TMEM248: variants seen among roughly 807,000 people sequenced by gnomAD.
TMEM248 encodes the protein transmembrane protein 248.
TMEM248 carries 9 observed loss-of-function variants against 30.3 expected under a neutral mutation model. The ratio of observed to expected loss-of-function variants is 0.30; its 90% confidence interval spans 0.18 to 0.52. The LOEUF is 0.52. TMEM248 is among the 20% of genes least tolerant of loss of function. The probability of loss-of-function intolerance (pLI) is 0.97; values close to 1 mark genes in which losing one functional copy is unlikely to be tolerated. For synonymous variants in TMEM248, 184 were observed against 154.4 expected (o/e 1.19, Z -1.42); for missense variants, 338 against 403.3 (o/e 0.84, Z 1.39).
intron 1 of TMEM248, among the ~76,000 whole-genome samples, chr7:66,933,039 T>C (rs537699322): frequency 1.3e-5 from 2 of 152,128 alleles, no homozygotes; most frequent in South Asian, 4.1e-4. Flanking sequence ...TTTGTGTTTT[T>C]AGTAGAGACA....
intron 1 of TMEM248, among the ~76,000 whole-genome samples, 186 bp downstream of exon 1, chr7:66,921,647 C>G (rs963867422): frequency 6.6e-6 from 1 of 152,244 alleles, no homozygotes; most frequent in Admixed American, 6.5e-5. Context: ...GGCCTGGTCC[C>G]CCCACACTGG....
At chr7:66,937,220 G>T (rs1791829723) in intron 1 of TMEM248, among the ~76,000 whole-genome samples, 1 of 152,168 alleles carries the variant, frequency 6.6e-6, no homozygotes, top group Non-Finnish European at 1.5e-5. Context: ...TGTTTGTATA[G>T]TTTCCAGAAT....
chr7:66,953,265 A>G lies in TMEM248; in HGVS notation c.820A>G (p.Ser274Gly). The change falls in exon 6 of 7, where the codon AGT becomes GGT. Residue 274 changes from serine to glycine, a missense_variant. Physicochemically the swap from Ser to Gly is moderately conservative, Grantham distance 56. Coordinates refer to ENST00000341567, the MANE Select transcript of TMEM248 (RefSeq NM_017994.5). ...AATAAATTTGCATCTCATGCACACC[A>G]GTTACTTCCTCTTTGTGATGGTGAT... ...SLINLHLMHT[S>G]YFLFVMVITM... 6.2e-7 allele frequency: 1 copy of G among 1,614,054 alleles called. No homozygotes were observed. The highest frequency in any genetic ancestry group is 8.5e-7 in the Non-Finnish European group (1 of 1,180,008).
At chr7:66,923,352 G>A (rs556412039) in intron 1 of TMEM248, among the ~76,000 whole-genome samples, 1 of 152,114 alleles carries the variant, frequency 6.6e-6, no homozygotes, top group Non-Finnish European at 1.5e-5. Flanking sequence ...CATGTTGTTG[G>A]CCAGGCCTTG....
chr7:66,936,173 G>A (rs906945017), intron 1 of TMEM248, among the ~76,000 whole-genome samples: 19 of 152,150 alleles, frequency 1.2e-4, no homozygotes, highest in Non-Finnish European at 2.8e-4. Flanking sequence ...TCACCATTCA[G>A]TGTGATACTA....
At chr7:66,953,117 A>G in intron 5 of TMEM248, 109 bp from the exon 6 acceptor site, 1 of 1,247,470 alleles carries the variant, frequency 8.0e-7, no homozygotes, top group Non-Finnish European at 1.1e-6. Context: ...TAAGAAGAAA[A>G]GTTGTGGCAA....
At chr7:66,933,080 G>A (rs1044956623) in intron 1 of TMEM248, among the ~76,000 whole-genome samples, 9 of 151,980 alleles carry the variant, frequency 5.9e-5, no homozygotes, top group Non-Finnish European at 8.8e-5. Flanking sequence ...GGCTGGTCTC[G>A]AACTCCTGAC....
chr7:66,934,030 C>T (rs17748115), intron 1 of TMEM248, among the ~76,000 whole-genome samples: 15,620 of 151,398 alleles, frequency 0.1, 883 homozygotes, highest in Non-Finnish European at 0.11. Context: ...GCCACTGTGA[C>T]GCTTACAGAA....
chr7:66,926,962 T>G (rs1791542836), intron 1 of TMEM248, among the ~76,000 whole-genome samples: 1 of 152,180 alleles, frequency 6.6e-6, no homozygotes, highest in South Asian at 2.1e-4. Flanking sequence ...TGTCCCAGTC[T>G]TACACACTGA....
intron 1 of TMEM248, chr7:66,922,194 T>G (rs1791402552): frequency 6.6e-6 from 1 of 152,240 alleles, no homozygotes; most frequent in African/African-American, 2.4e-5. Flanking sequence ...CTCTGAAGCC[T>G]GCTTTGTAAA....
rs1792061064 is a variant in TMEM248 at position 66,945,119 on chromosome 7, C to G, written c.303C>G (p.Pro101=). Reference sequence around the variant, plus strand: ...AGGCCCGAGCTTCCACCCAGTCCCCCCAGGCCCTGGAGGACTCGGGCCCGG... The same window carrying G: ...AGGCCCGAGCTTCCACCCAGTCCCCGCAGGCCCTGGAGGACTCGGGCCCGG... ...SGQARASTQS[P]QALEDSGPVN... is the part of the protein sequence containing the mutation. The change falls in exon 3 of 7, where the codon CCC becomes CCG. Residue 101 remains proline, a synonymous_variant. Transcript: ENST00000341567. The G allele has an allele frequency of 6.2e-7, 1 of 1,614,248 alleles. No individual in the cohort carries two copies. The highest frequency in any genetic ancestry group is 8.5e-7 in the Non-Finnish European group (1 of 1,180,046).
chr7:66,951,379 T>C (rs973896433), intron 5 of TMEM248: 7 of 370,182 alleles, frequency 1.9e-5, no homozygotes, highest in African/African-American at 6.3e-5. Flanking sequence ...GCAGCAGTTA[T>C]TTCTTGAGCA....
At chr7:66,939,751 A>G (rs1791899370) in intron 1 of TMEM248, among the ~76,000 whole-genome samples, 1 of 152,136 alleles carries the variant, frequency 6.6e-6, no homozygotes, top group Admixed American at 6.6e-5. Context: ...TATAAAGGAA[A>G]TAAAGCAGGG....
chr7:66,953,796 G>A (rs566425161), intron 6 of TMEM248, among the ~76,000 whole-genome samples: 150 of 151,964 alleles, frequency 9.9e-4, no homozygotes, highest in Non-Finnish European at 1.8e-3. Context: ...AGTAGAGACC[G>A]GGTCTCACCA....
At chr7:66,932,423 C>T (rs1195814238) in intron 1 of TMEM248, among the ~76,000 whole-genome samples, 2 of 152,124 alleles carry the variant, frequency 1.3e-5, no homozygotes, top group Admixed American at 1.3e-4. Context: ...TTACGTAAAG[C>T]GCCTTCTGTT....
At chr7:66,946,249 G>A (rs144178120) in intron 3 of TMEM248, among the ~76,000 whole-genome samples, 10 of 152,000 alleles carry the variant, frequency 6.6e-5, no homozygotes, top group South Asian at 2.1e-4. Context: ...GCGACAGAGC[G>A]AGACTCCATC....
chr7:66,925,799 G>A (rs549102464), intron 1 of TMEM248, among the ~76,000 whole-genome samples: 2 of 150,622 alleles, frequency 1.3e-5, no homozygotes, highest in East Asian at 2.0e-4. Context: ...ACGCCACCAC[G>A]CCACGCTAAT....
At chr7:66,941,251 C>T (rs1791941367) in intron 1 of TMEM248, among the ~76,000 whole-genome samples, 1 of 151,928 alleles carries the variant, frequency 6.6e-6, no homozygotes, top group Non-Finnish European at 1.5e-5. Context: ...TGTGGCGGCA[C>T]ATGCCTGTAG....
intron 1 of TMEM248, among the ~76,000 whole-genome samples, chr7:66,932,821 T>A (rs528974374): frequency 3.1e-4 from 47 of 150,988 alleles, no homozygotes; most frequent in African/African-American, 8.5e-4. Flanking sequence ...TGGCCGATTT[T>A]ATTTTTTTAT....
Sources: gnomAD v4.1 joint callset for allele counts (sites outside exome capture counted in the v4.1 genomes callset) on GRCh38, gnomAD v4.1.1 for gene constraint, MANE v1.5 for transcripts, NCBI Gene and HGNC (gene_info 2026-07-23, HGNC 2026-07-21) for gene names.